Variants in ERO1B observed in about 807,000 individuals in gnomAD.
ERO1B encodes the protein endoplasmic reticulum oxidoreductase 1 beta.
A neutral mutation model predicts 75.3 loss-of-function variants in ERO1B; 49 were observed. The ratio of observed to expected loss-of-function variants is 0.65; its 90% CI spans 0.52 to 0.83. The LOEUF (loss-of-function observed/expected upper bound fraction) is 0.83, where lower values mean the gene tolerates loss of function less well. Ranked by LOEUF, ERO1B falls within the 40% of genes least tolerant of loss-of-function variation. ERO1B has a pLI of 0.00. For synonymous variants in ERO1B, 191 were observed against 192.9 expected (o/e 0.99, Z 0.08); for missense variants, 512 against 560.1 (o/e 0.91, Z 0.87).
intron 2 of ERO1B, among the ~76,000 whole-genome samples, chr1:236,262,562 C>T (rs1665315867): frequency 1.5e-5 from 2 of 135,260 alleles, no homozygotes; most frequent in South Asian, 4.8e-4. Flanking sequence ...ATCACTACTG[C>T]CTAATTTTTT....
Position 236,238,029 on chromosome 1 carries a change from C to T in ERO1B, c.506-1631G>A, listed in dbSNP as rs920909740. 5.9e-5 allele frequency among the ~76,000 whole-genome samples: 9 copies of T among 152,032 alleles called. 1 individual carries two copies. Among genetic ancestry groups the T allele is most frequent in the Admixed American group, 2.6e-4 (4 of 15,262 alleles). ...TGGTTTTTTGTATTTTTAGTAGAGACGGGGTTATGCCATCTTAGCCAGGCT... is the reference window on the plus strand; with the variant it reads ...TGGTTTTTTGTATTTTTAGTAGAGATGGGGTTATGCCATCTTAGCCAGGCT... On this transcript the variant is annotated intron_variant, in intron 6 of 15. Coordinates refer to ENST00000354619, the MANE Select transcript of ERO1B (RefSeq NM_019891.4).
intron 1 of ERO1B, among the ~76,000 whole-genome samples, chr1:236,271,518 A>G (rs1665587125): frequency 6.6e-6 from 1 of 152,140 alleles, no homozygotes; most frequent in Non-Finnish European, 1.5e-5. Flanking sequence ...ACTACTTACA[A>G]GACTGCGAGT....
At chr1:236,276,405 G>T (rs1348001182) in intron 1 of ERO1B, among the ~76,000 whole-genome samples, 5 of 152,204 alleles carry the variant, frequency 3.3e-5, no homozygotes, top group Non-Finnish European at 5.9e-5. Context: ...CAAATGATTA[G>T]CAGTCAATGG....
intron 4 of ERO1B, 96 bp from the exon 5 acceptor site, chr1:236,250,063 AC>A (rs1397070413): frequency 1.1e-5 from 7 of 645,322 alleles, no homozygotes; most frequent in Non-Finnish European, 1.8e-5. Context: ...AATGATATAC[AC>A]TAAATATACA....
At chr1:236,262,447 G>A (rs922240594) in intron 2 of ERO1B, among the ~76,000 whole-genome samples, 6 of 152,142 alleles carry the variant, frequency 3.9e-5, no homozygotes, top group African/African-American at 1.4e-4. Context: ...CTGTCGCCCA[G>A]GCTGGAGTGC....
At chr1:236,260,006 G>C (rs1241133667) in intron 2 of ERO1B, among the ~76,000 whole-genome samples, 1 of 152,062 alleles carries the variant, frequency 6.6e-6, no homozygotes, top group Admixed American at 6.5e-5. Flanking sequence ...ACAAATTTAA[G>C]AACACTGAAA....
At chr1:236,238,609 GT>G (rs2102947342) in intron 6 of ERO1B, among the ~76,000 whole-genome samples, 1 of 148,738 alleles carries the variant, frequency 6.7e-6, no homozygotes, top group African/African-American at 2.5e-5. Flanking sequence ...TAATTTCTAA[GT>G]TGTATAGTTT....
chr1:236,281,896 C>T lies in ERO1B; in HGVS notation c.-113G>A. On this transcript the variant is annotated 5_prime_UTR_variant, in exon 1 of 16. Coordinates refer to ENST00000354619, the MANE Select transcript of ERO1B (RefSeq NM_019891.4). ...CCCAGCGGCCGAGCGACTCCAGGGT[C>T]AGAGGTCTGCACTCCAGTCCGGAGG... The T allele has an allele frequency of 1.5e-6, 1 of 669,600 alleles. No homozygotes were observed. The highest frequency in any genetic ancestry group is 4.5e-5 in the South Asian group (1 of 22,252). 41.5% of individuals were successfully genotyped at this position (669,600 alleles called of 1,614,324 possible).
At chr1:236,273,661 C>T (rs1665646085) in intron 1 of ERO1B, among the ~76,000 whole-genome samples, 4 of 151,842 alleles carry the variant, frequency 2.6e-5, no homozygotes, top group Non-Finnish European at 5.9e-5. Flanking sequence ...CAAAAATTAG[C>T]CAGGTCTGGT....
chr1:236,266,380 G>A (rs1229941123), intron 2 of ERO1B, among the ~76,000 whole-genome samples: 1 of 152,194 alleles, frequency 6.6e-6, no homozygotes, highest in Non-Finnish European at 1.5e-5. Context: ...AAGGCGGGTG[G>A]ATCACCTGAG....
chr1:236,240,410 T>C lies in ERO1B; in HGVS notation c.505+3012A>G, dbSNP rs59058492. Among the ~76,000 whole-genome samples the C allele has an allele frequency of 6.2e-3, 945 of 152,250 alleles. 8 individuals carry two copies. The highest frequency in any genetic ancestry group is 0.022 in the African/African-American group (905 of 41,538). On this transcript the variant is annotated intron_variant, in intron 6 of 15. Coordinates refer to ENST00000354619, the MANE Select transcript of ERO1B (RefSeq NM_019891.4). ...TCACAGATAAAAAAATACTGTATTATAGACTCAGGATTAAGCTTAAAGCCC... is the reference window on the plus strand; with the variant it reads ...TCACAGATAAAAAAATACTGTATTACAGACTCAGGATTAAGCTTAAAGCCC...
intron 7 of ERO1B, among the ~76,000 whole-genome samples, 162 bp downstream of exon 7, chr1:236,236,116 G>A (rs752596348): frequency 2.0e-5 from 3 of 151,990 alleles, no homozygotes; most frequent in Non-Finnish European, 4.4e-5. Context: ...TAGTTGACAC[G>A]GGGTTTCACC....
chr1:236,229,546 GTCAT>G (rs1158512075), intron 10 of ERO1B, among the ~76,000 whole-genome samples: 1 of 151,930 alleles, frequency 6.6e-6, no homozygotes, highest in Non-Finnish European at 1.5e-5. Flanking sequence ...ATTTTCCTAT[GTCAT>G]TCTACTTGCT....
At chr1:236,271,585 C>A (rs1328502737) in intron 1 of ERO1B, among the ~76,000 whole-genome samples, 1 of 151,992 alleles carries the variant, frequency 6.6e-6, no homozygotes, top group Non-Finnish European at 1.5e-5. Context: ...GACTTCAAAT[C>A]ATAGCCCCTA....
rs745623591 is a variant in ERO1B, at chr1:236,281,747, C to G, written c.37G>C (p.Gly13Arg). 2.5e-5 allele frequency: 38 copies of G among 1,517,446 alleles called. 1 individual carries two copies. The Middle Eastern group carries it at 1.1e-3, about 42-fold the overall frequency. The allele number at this position is 1,517,446 out of a possible 1,614,324, so 94.0% of individuals were successfully genotyped here. ...QGVRRAGAGQ[G>R]VAAAVQLLVT... ...AGCAGCTGCACCGCGGCCGCTACCC[C>G]CTGCCCAGCGCCTGCCCGGCGGACC... Residue 13 changes from glycine (G) to arginine (R), a missense_variant, in exon 1 of 16, where the codon GGG becomes CGG. Transcript: ENST00000354619.
rs1362210352 is a variant in ERO1B at position 236,216,645 on chromosome 1, G to A, written c.*1871C>T. ...AGAAAAAAACAATAAATGGACATGAGCGAGGATTTTCTCCAGTAAACAGTT... is the reference window on the plus strand; with the variant it reads ...AGAAAAAAACAATAAATGGACATGAACGAGGATTTTCTCCAGTAAACAGTT... On this transcript the variant is annotated 3_prime_UTR_variant, in exon 16 of 16. Transcript: ENST00000354619. The A allele has an allele frequency of 6.6e-6, 1 of 152,016 alleles. No individual in the cohort carries two copies. The highest frequency in any genetic ancestry group is 2.4e-5 in the African/African-American group (1 of 41,416). The allele number at this position is 152,016 out of a possible 1,614,324, so 9.4% of individuals were successfully genotyped here.
chr1:236,218,418 T>C lies in ERO1B; in HGVS notation c.*98A>G. On this transcript the variant is annotated 3_prime_UTR_variant, in exon 16 of 16. Coordinates refer to ENST00000354619, the MANE Select transcript of ERO1B (RefSeq NM_019891.4). ...AAATTTTCTATTTAATAGTTCAGAA[T>C]TCTTGAAGTCAGATTAGTGTCTTTC... The C allele has an allele frequency of 8.5e-7, 1 of 1,170,804 alleles. No individual in the cohort carries two copies. The highest frequency in any genetic ancestry group is 1.1e-6 in the Non-Finnish European group (1 of 907,004). 72.5% of individuals were successfully genotyped at this position (1,170,804 alleles called of 1,614,324 possible). A position where few individuals can be genotyped will look rare whatever the true frequency, so the allele number is the denominator to read the frequency against.
At chr1:236,229,726 A>G (rs1664356248) in intron 10 of ERO1B, among the ~76,000 whole-genome samples, 1 of 152,228 alleles carries the variant, frequency 6.6e-6, no homozygotes, top group Non-Finnish European at 1.5e-5. Flanking sequence ...CACTGGAAGT[A>G]CAAGAATGCA....
chr1:236,218,324 T>G lies in ERO1B; in HGVS notation c.*192A>C, dbSNP rs1048770005. ...ATAACTTACATGTTTTAAAAGTATA[T>G]ACTTCATTTATAAATATCTCTAGTT... On this transcript the variant is annotated 3_prime_UTR_variant, in exon 16 of 16. Coordinates refer to ENST00000354619, the MANE Select transcript of ERO1B (RefSeq NM_019891.4). 41 of 337,932 alleles carry G rather than the reference T, an allele frequency of 1.2e-4. No homozygotes were observed. The highest frequency in any genetic ancestry group is 8.6e-4 in the African/African-American group (40 of 46,528). The allele number at this position is 337,932 out of a possible 1,614,324, so 20.9% of individuals were successfully genotyped here.
Sources: gnomAD v4.1 joint callset for allele counts (sites outside exome capture counted in the v4.1 genomes callset) on GRCh38, gnomAD v4.1.1 for gene constraint, MANE v1.5 for transcripts, NCBI Gene and HGNC (gene_info 2026-07-23, HGNC 2026-07-21) for gene names.